Variants in SCG5 observed in about 807,000 individuals in gnomAD.
SCG5 encodes secretogranin V, also known as neuroendocrine protein 7B2.
A neutral mutation model predicts 25.7 loss-of-function variants in SCG5; 18 were observed. That is an observed-to-expected ratio of 0.70 (90% confidence interval 0.48 to 1.04). The LOEUF (loss-of-function observed/expected upper bound fraction) is 1.04, where lower values mean the gene tolerates loss of function less well. Among genes scored for constraint, SCG5 ranks in the 50% least tolerant of loss-of-function variants. The pLI, the probability that SCG5 is intolerant of heterozygous loss-of-function variation, is 0.00. For missense variants in SCG5, 206 were observed against 259.8 expected, an observed-to-expected ratio of 0.79 and a Z score of 1.42; for synonymous variants, 101 against 91.7, an observed-to-expected ratio of 1.10 and a Z score of -0.58.
chr15:32,675,711 T>C (rs1268497264), intron 2 of SCG5, among the ~76,000 whole-genome samples: 1 of 152,230 alleles, frequency 6.6e-6, no homozygotes, highest in Non-Finnish European at 1.5e-5. Context: ...ACTTCTCCTC[T>C]ACACAACTGT....
rs568381650 is a variant in SCG5 at position 32,676,405 on chromosome 15, G to A, written c.227-3361G>A. On this transcript the variant is annotated intron_variant, in intron 2 of 5. Transcript: ENST00000300175. ...AATTACTAATGGAGCATTAAGACAC[G>A]CATTCTGCCTTGAGCCAAGTTGGAT... Among the ~76,000 whole-genome samples, 20 of 152,262 alleles carry A rather than the reference G, an allele frequency of 1.3e-4. No homozygotes were observed. In the South Asian group the frequency reaches 3.5e-3, roughly 27 times the overall value.
chr15:32,658,918 C>G (rs955084033), intron 2 of SCG5, among the ~76,000 whole-genome samples: 2 of 152,200 alleles, frequency 1.3e-5, no homozygotes, highest in Non-Finnish European at 1.5e-5. Flanking sequence ...GGCTTATGCC[C>G]GTAATCCCAG....
In SCG5 at chr15:32,688,667, G is replaced by T. The variant is rs145286066; in HGVS notation, c.490-3043G>T. ...GTTTCTCTGGTGTAAAATTCCCTTAGAAATTAATAGGCCGGGCACAGTGGC... is the reference window on the plus strand; with the variant it reads ...GTTTCTCTGGTGTAAAATTCCCTTATAAATTAATAGGCCGGGCACAGTGGC... On this transcript the variant is annotated intron_variant, in intron 4 of 5. Transcript: ENST00000300175. 2.3e-3 allele frequency among the ~76,000 whole-genome samples: 352 copies of T among 152,268 alleles called. 5 individuals are homozygous for T. The highest frequency in any genetic ancestry group is 0.017 in the Admixed American group (265 of 15,300).
chr15:32,668,284 T>C (rs886953162), intron 2 of SCG5, among the ~76,000 whole-genome samples: 3 of 152,240 alleles, frequency 2.0e-5, no homozygotes, highest in African/African-American at 2.4e-5. Context: ...AGAACACTTA[T>C]GGATTTACAG....
chr15:32,659,387 A>T (rs1390257141), intron 2 of SCG5, among the ~76,000 whole-genome samples: 1 of 152,190 alleles, frequency 6.6e-6, no homozygotes, highest in Non-Finnish European at 1.5e-5. Flanking sequence ...GGCAAGTTAG[A>T]CGATCCCAGG....
intron 5 of SCG5, among the ~76,000 whole-genome samples, chr15:32,693,033 T>C (rs2054887947): frequency 1.3e-5 from 2 of 152,162 alleles, no homozygotes. Context: ...GTCCAAAGGG[T>C]ATAATGTGGT....
intron 2 of SCG5, chr15:32,668,917 T>C (rs976620584): frequency 1.3e-5 from 2 of 152,260 alleles, no homozygotes; most frequent in African/African-American, 4.8e-5. Flanking sequence ...AAACTTCCTA[T>C]GCATTTACCT....
chr15:32,646,296 T>A (rs2053943369), intron 2 of SCG5, among the ~76,000 whole-genome samples: 1 of 152,244 alleles, frequency 6.6e-6, no homozygotes, highest in African/African-American at 2.4e-5. Flanking sequence ...GTTCAGGTGC[T>A]GACCAGAGGT....
At chr15:32,669,399 C>G (rs764705499) in intron 2 of SCG5, among the ~76,000 whole-genome samples, 2 of 151,996 alleles carry the variant, frequency 1.3e-5, no homozygotes, top group Admixed American at 6.5e-5. Context: ...ATATCCTCAC[C>G]GAATCCCAAC....
chr15:32,645,359 C>T (rs1306071044), intron 2 of SCG5, among the ~76,000 whole-genome samples: 1 of 152,202 alleles, frequency 6.6e-6, no homozygotes, highest in Non-Finnish European at 1.5e-5. Flanking sequence ...CCAGAGACTC[C>T]ATTCCCTCCA....
chr15:32,684,477 C>A, intron 3 of SCG5, 80 bp from the exon 4 acceptor site: 1 of 844,660 alleles, frequency 1.2e-6, no homozygotes, highest in African/African-American at 1.7e-5. Context: ...CTTTGGCTGC[C>A]TAGTTGTTTT....
chr15:32,644,052 G>A (rs912955124), intron 2 of SCG5, among the ~76,000 whole-genome samples: 1 of 152,168 alleles, frequency 6.6e-6, no homozygotes, highest in Non-Finnish European at 1.5e-5. Flanking sequence ...TGTGAGAGCA[G>A]GGACCTTATC....
At chr15:32,664,388 C>A (rs751352236) in intron 2 of SCG5, among the ~76,000 whole-genome samples, 5 of 152,110 alleles carry the variant, frequency 3.3e-5, no homozygotes, top group African/African-American at 4.8e-5. Context: ...AATGAGGAAA[C>A]CCAGGCCTCG....
chr15:32,682,149 C>A (rs1470637221), intron 3 of SCG5, among the ~76,000 whole-genome samples: 1 of 152,188 alleles, frequency 6.6e-6, no homozygotes, highest in Non-Finnish European at 1.5e-5. Flanking sequence ...GGACCACCAG[C>A]AGCAGCAGCA....
At chr15:32,680,120 C>T (rs571055551) in intron 3 of SCG5, among the ~76,000 whole-genome samples, 8 of 151,848 alleles carry the variant, frequency 5.3e-5, no homozygotes, top group Non-Finnish European at 1.2e-4. Context: ...TAGGATTTTC[C>T]CTTGCCAAGG....
chr15:32,692,059 C>A (rs2054868814), intron 5 of SCG5: 1 of 1,246,612 alleles, frequency 8.0e-7, no homozygotes, highest in Non-Finnish European at 1.0e-6. Context: ...TGGGACATAT[C>A]TGGGGGGACA....
At chr15:32,643,124 T>C (rs547173515) in intron 1 of SCG5, among the ~76,000 whole-genome samples, 1 of 152,152 alleles carries the variant, frequency 6.6e-6, no homozygotes, top group Non-Finnish European at 1.5e-5. Flanking sequence ...TTCCTGAGCT[T>C]CTTGATTTGT....
rs570297388 is a variant in SCG5, at chr15:32,670,331, G to A, written c.227-9435G>A. 5.3e-5 allele frequency among the ~76,000 whole-genome samples: 8 copies of A among 152,344 alleles called. No individual in the cohort carries two copies. The South Asian group carries it at 1.0e-3, about 20-fold the overall frequency. On this transcript the variant is annotated intron_variant, in intron 2 of 5. Coordinates refer to ENST00000300175, the MANE Select transcript of SCG5 (RefSeq NM_001144757.3). ...GCAGTCCCTGTGAGGGACCAGGCTCGAATTCAGAGCAGAAGGATCACTCTA... is the reference window on the plus strand; with the variant it reads ...GCAGTCCCTGTGAGGGACCAGGCTCAAATTCAGAGCAGAAGGATCACTCTA...
chr15:32,655,237 G>A (rs1188564000), intron 2 of SCG5, among the ~76,000 whole-genome samples: 1 of 152,068 alleles, frequency 6.6e-6, no homozygotes, highest in Non-Finnish European at 1.5e-5. Context: ...GAACCCAGGA[G>A]GCGGAGCTTG....
Sources: allele counts gnomAD v4.1 joint callset (sites outside exome capture counted in the v4.1 genomes callset), GRCh38; gene constraint gnomAD v4.1.1; transcripts MANE v1.5; gene names NCBI Gene and HGNC (gene_info 2026-07-23, HGNC 2026-07-21).